Variants in TRIM14 observed in about 807,000 individuals in gnomAD.
TRIM14 encodes tripartite motif containing 14.
In TRIM14, 28 loss-of-function variants were observed where a neutral mutation model predicts 44.5. The observed-to-expected ratio is 0.63, with a 90% CI of 0.47 to 0.86. The LOEUF (loss-of-function observed/expected upper bound fraction) is 0.86, where lower values mean the gene tolerates loss of function less well. Among genes scored for constraint, TRIM14 ranks in the 40% least tolerant of loss-of-function variants. The pLI is 0.00. For synonymous variants in TRIM14, 299 were observed against 269.2 expected, an observed-to-expected ratio of 1.11 and a Z score of -1.08; for missense variants, 607 against 611.1, an observed-to-expected ratio of 0.99 and a Z score of 0.07.
chr9:98,044,601 T>C, the TRIM14 span, among the ~76,000 whole-genome samples: 1 of 152,010 alleles, frequency 6.6e-6, no homozygotes, highest in African/African-American at 2.4e-5. Context: ...CTTGATCTCC[T>C]GACCTCGTGA....
chr9:98,053,238 G>C, the TRIM14 span, among the ~76,000 whole-genome samples: 3 of 152,178 alleles, frequency 2.0e-5, no homozygotes, highest in Non-Finnish European at 2.9e-5. Flanking sequence ...GCTTGCGAAG[G>C]CTTTTAACTG....
the TRIM14 span, among the ~76,000 whole-genome samples, chr9:98,057,127 T>C: frequency 6.6e-6 from 1 of 152,224 alleles, no homozygotes; most frequent in Non-Finnish European, 1.5e-5. Flanking sequence ...TCGTGACCTT[T>C]CTGCATTACA....
At position 98,084,692 on chromosome 9, in the gene TRIM14, CAA is replaced by C. The variant is rs1350856059; in HGVS notation, c.*2776_*2777del. The C allele has an allele frequency of 1.3e-5, 2 of 152,044 alleles. No homozygotes were observed. Among genetic ancestry groups the C allele is most frequent in the African/African-American group, 4.8e-5 (2 of 41,362 alleles). 9.4% of individuals were successfully genotyped at this position (152,044 alleles called of 1,614,324 possible). A position where few individuals can be genotyped will look rare whatever the true frequency, so the allele number is the denominator to read the frequency against. The stretch of plus-strand genomic sequence containing the variant: ...TATGTTTTTTTTGTTTTTTTTGAGA[CAA>C]GAGTCTTGCTCTGTCCCCAGGCTGG... On this transcript the variant is annotated 3_prime_UTR_variant, in exon 6 of 6. Transcript: ENST00000341469.
chr9:98,056,812 C>A, the TRIM14 span: 1 of 1,611,582 alleles, frequency 6.2e-7, no homozygotes, highest in Non-Finnish European at 8.5e-7. Flanking sequence ...CGCTGCAATG[C>A]CGCTGGAGCT....
chr9:98,046,384 G>C, the TRIM14 span, among the ~76,000 whole-genome samples: 1 of 152,032 alleles, frequency 6.6e-6, no homozygotes, highest in Non-Finnish European at 1.5e-5. Context: ...GAAAATGAGG[G>C]CTCCCTAATT....
In TRIM14 at chr9:98,074,295, C is replaced by G. The variant is rs368087951; in HGVS notation, c.*29-4608G>C. ...TGCCTGAGCTCCCTTCAGACTCCCA[C>G]AGACTTTGTGCTATGGGGCAGGAGG... is the stretch of plus-strand genomic sequence containing the variant. On this transcript the variant is annotated intron_variant, in intron 6 of 6. Transcript: ENST00000375098. 3.9e-4 allele frequency among the ~76,000 whole-genome samples: 60 copies of G among 152,262 alleles called. 3 individuals carry two copies. In the South Asian group the frequency reaches 0.012, roughly 31 times the overall value.
At chr9:98,046,432 TTTTTTTG>T in the TRIM14 span, among the ~76,000 whole-genome samples, 1 of 151,710 alleles carries the variant, frequency 6.6e-6, no homozygotes, top group South Asian at 2.1e-4. Flanking sequence ...TGCAGAAGAG[TTTTTTTG>T]TTTTTTGTTT....
downstream of TRIM14, among the ~76,000 whole-genome samples, chr9:98,064,930 G>C (rs1407711020): frequency 6.6e-6 from 1 of 152,138 alleles, no homozygotes; most frequent in African/African-American, 2.4e-5. Flanking sequence ...AGTGGGGACA[G>C]ATTTTTTTTT....
chr9:98,087,707 G>C lies in TRIM14; in HGVS notation c.1092C>G (p.Leu364=). ...CCCAGTACTCAAGGTCGTAGCGCTT[G>C]AGGCACCAGGACTGGCGGTTGCAGC... ...RLGCNRQSWC[L]KRYDLEYWAF... is the part of the protein sequence containing the mutation. The change falls in exon 6 of 6, where the codon CTC becomes CTG. Residue 364 remains leucine (L), a synonymous_variant. Transcript: ENST00000341469. The C allele has an allele frequency of 6.3e-7, 1 of 1,597,936 alleles. No individual in the cohort carries two copies. Among genetic ancestry groups the C allele is most frequent in the Admixed American group, 1.7e-5 (1 of 59,660 alleles).
chr9:98,056,582 A>ACCCGC, the TRIM14 span, among the ~76,000 whole-genome samples: 30 of 151,452 alleles, frequency 2.0e-4, no homozygotes, highest in African/African-American at 7.0e-4. Flanking sequence ...AGCTTCCTCG[A>ACCCGC]CCCGCCCCGC....
chr9:98,076,627 G>C lies in TRIM14; in HGVS notation c.*29-6940C>G, dbSNP rs541914206. On this transcript the variant is annotated intron_variant, in intron 6 of 6. Coordinates refer to the TRIM14 transcript ENST00000375098. ...TGACCTCAGGTGATCTGCCCGCCTC[G>C]GCCTCCCAAAGTGCAGGCATGAGCC... 9 of 335,508 alleles carry C rather than the reference G, an allele frequency of 2.7e-5. No individual in the cohort carries two copies. The East Asian group carries it at 7.7e-4, about 29-fold the overall frequency. The allele number at this position is 335,508 out of a possible 1,614,324, so 20.8% of individuals were successfully genotyped here. A position where few individuals can be genotyped will look rare whatever the true frequency, so the allele number is the denominator to read the frequency against.
In TRIM14 at chr9:98,087,982, G is replaced by T; in HGVS notation, c.817C>A (p.Pro273Thr). 1.3e-6 allele frequency: 2 copies of T among 1,556,234 alleles called. 1 individual carries two copies. Among genetic ancestry groups the T allele is most frequent in the Non-Finnish European group, 1.7e-6 (2 of 1,162,798 alleles). ...CGCAGGCGCGCGTGCATCGTGTCAGGATCCAGCGTGGGCGTGCGCGCGTCT... is the reference window on the plus strand; with the variant it reads ...CGCAGGCGCGCGTGCATCGTGTCAGTATCCAGCGTGGGCGTGCGCGCGTCT... ...LKYARTPTLD[P>T]DTMHARLRLS... The change falls in exon 6 of 6, where the codon CCT becomes ACT. Residue 273 changes from proline (P) to threonine (T), a missense_variant. Physicochemically the swap from Pro to Thr is conservative, Grantham distance 38. Around this residue, in one of 3 missense-constraint regions of TRIM14, gnomAD observed 356 missense variants for 323.0 expected, o/e 1.10. Coordinates refer to ENST00000341469, the MANE Select transcript of TRIM14 (RefSeq NM_014788.4).
the TRIM14 span, among the ~76,000 whole-genome samples, chr9:98,050,112 A>C: frequency 1.3e-5 from 2 of 152,232 alleles, no homozygotes; most frequent in African/African-American, 4.8e-5. Flanking sequence ...CACAGTTGGA[A>C]CAATTGGCTA....
At chr9:98,102,021 A>G (rs1379273663) in intron 2 of TRIM14, among the ~76,000 whole-genome samples, 4 of 151,780 alleles carry the variant, frequency 2.6e-5, no homozygotes, top group Admixed American at 6.6e-5. Flanking sequence ...AAAAAAAAAA[A>G]AAAAGAAAAG....
intron 6 of TRIM14, among the ~76,000 whole-genome samples, chr9:98,073,267 T>G: frequency 8.0e-6 from 1 of 124,964 alleles, no homozygotes; most frequent in South Asian, 2.7e-4. Context: ...CTCATCACCA[T>G]GGGCTTTTTT....
chr9:98,067,182 A>G (rs1395229572), downstream of TRIM14, among the ~76,000 whole-genome samples: 3 of 151,098 alleles, frequency 2.0e-5, no homozygotes, highest in Non-Finnish European at 4.4e-5. Context: ...GGTTGTTTCT[A>G]CTCTTTGGCT....
At chr9:98,104,720 G>A (rs1458554562) in intron 2 of TRIM14, among the ~76,000 whole-genome samples, 1 of 152,184 alleles carries the variant, frequency 6.6e-6, no homozygotes, top group African/African-American at 2.4e-5. Context: ...AGGGTCTAAG[G>A]ACTGTGGAAG....
chr9:98,049,340 T>TA, the TRIM14 span, among the ~76,000 whole-genome samples: 48 of 67,070 alleles, frequency 7.2e-4, 2 homozygotes, highest in South Asian at 5.4e-3. Context: ...AGACTCTGCA[T>TA]AAAAAAAAAA....
the TRIM14 span, among the ~76,000 whole-genome samples, chr9:98,060,563 G>A: frequency 6.6e-6 from 1 of 152,106 alleles, no homozygotes; most frequent in South Asian, 2.1e-4. Flanking sequence ...CCAGCTACTT[G>A]GGAGGCTGAG....
Sources: allele counts gnomAD v4.1 joint callset (sites outside exome capture counted in the v4.1 genomes callset), GRCh38; gene constraint gnomAD v4.1.1; regional missense constraint gnomAD v4.1.1; transcripts MANE v1.5; gene names NCBI Gene and HGNC (gene_info 2026-07-23, HGNC 2026-07-21).